FREM1: variants seen among roughly 807,000 people sequenced by gnomAD.
FREM1 encodes the protein FRAS1 related extracellular matrix 1.
FREM1 carries 220 observed loss-of-function variants against 210.1 expected under a neutral mutation model. The ratio of observed to expected loss-of-function variants is 1.05; its 90% CI spans 0.94 to 1.17. The LOEUF (loss-of-function observed/expected upper bound fraction) is 1.17. Among genes scored for constraint, FREM1 ranks in the 50% most tolerant of loss-of-function variants. The pLI is 0.00. For synonymous variants in FREM1, 1,189 were observed against 980.2 expected (o/e 1.21, Z -3.98); for missense variants, 3,454 against 2,675.5 (o/e 1.29, Z -6.42).
intron 23 of FREM1, among the ~76,000 whole-genome samples, chr9:14,787,417 A>C (rs1850590010): frequency 6.6e-6 from 1 of 152,206 alleles, no homozygotes; most frequent in South Asian, 2.1e-4. Flanking sequence ...GAAAATAATC[A>C]CATGTCAATT....
chr9:14,749,639 A>G (rs995430769), intron 30 of FREM1, among the ~76,000 whole-genome samples: 1 of 152,164 alleles, frequency 6.6e-6, no homozygotes, highest in Non-Finnish European at 1.5e-5. Flanking sequence ...TGCCATCCAA[A>G]GTCATTCATT....
rs74893686 is a variant in FREM1 at position 14,854,815 on chromosome 9, T to C, written c.828+2738A>G. ...TGGGAGAAAAATATTCTATTCACCA[T>C]AGGTTCACAAAAACAAAGTGCCTAG... On this transcript the variant is annotated intron_variant, in intron 5 of 36. Coordinates refer to ENST00000380880, the MANE Select transcript of FREM1 (RefSeq NM_001379081.2). Among the ~76,000 whole-genome samples the C allele has an allele frequency of 7.1e-3, 1,076 of 152,160 alleles. 16 individuals carry two copies. The highest frequency in any genetic ancestry group is 0.023 in the African/African-American group (965 of 41,542).
chr9:14,862,395 C>A (rs1171151463), intron 3 of FREM1, among the ~76,000 whole-genome samples: 1 of 152,100 alleles, frequency 6.6e-6, no homozygotes, highest in South Asian at 2.1e-4. Context: ...GCAATAAAAA[C>A]CAAATAAAAA....
chr9:14,806,498 C>A (rs143172065), intron 18 of FREM1, among the ~76,000 whole-genome samples, 163 bp downstream of exon 18: 2 of 152,150 alleles, frequency 1.3e-5, no homozygotes, highest in African/African-American at 4.8e-5. Context: ...AGGTGACCTG[C>A]CCATCTCGGC....
At chr9:14,812,206 T>C (rs991177432) in intron 16 of FREM1, among the ~76,000 whole-genome samples, 10 of 152,196 alleles carry the variant, frequency 6.6e-5, no homozygotes, top group Admixed American at 6.5e-4. Flanking sequence ...GATGTTGAAT[T>C]AATATTTTTT....
chr9:14,881,623 T>A (rs1338686297), intron 1 of FREM1, among the ~76,000 whole-genome samples: 1 of 152,234 alleles, frequency 6.6e-6, no homozygotes, highest in Non-Finnish European at 1.5e-5. Flanking sequence ...TCGTTTCACT[T>A]ATGATAACTT....
intron 5 of FREM1, among the ~76,000 whole-genome samples, chr9:14,854,025 A>G (rs759478613): frequency 6.6e-6 from 1 of 152,230 alleles, no homozygotes; most frequent in Non-Finnish European, 1.5e-5. Flanking sequence ...TGCAAATTAT[A>G]TAAACAAAGC....
chr9:14,896,612 A>T (rs145901656), intron 1 of FREM1, among the ~76,000 whole-genome samples: 1,685 of 151,856 alleles, frequency 0.011, 34 homozygotes, highest in African/African-American at 0.038. Flanking sequence ...CTAAGAAATA[A>T]CCATAAAAAT....
chr9:14,783,592 C>G (rs776028075), intron 24 of FREM1, among the ~76,000 whole-genome samples: 13 of 152,202 alleles, frequency 8.5e-5, no homozygotes, highest in Non-Finnish European at 1.8e-4. Flanking sequence ...TGTTTCTCTC[C>G]AGGACCTCAG....
In FREM1 at chr9:14,848,703, G is replaced by A; in HGVS notation, c.1223C>T (p.Thr408Ile). Residue 408 changes from threonine (T) to isoleucine (I), a missense_variant, in exon 7 of 37, where the codon ACA becomes ATA. Coordinates refer to ENST00000380880, the MANE Select transcript of FREM1 (RefSeq NM_001379081.2). ...APMTVHISIR[T>I]ADTNAPRVSW... ...TACACGGGGGGCATTTGTATCTGCT[G>A]TTCTGATGGAGATGTGGACTGTCAT... 3 of 1,612,574 alleles carry A rather than the reference G, an allele frequency of 1.9e-6. No individual in the cohort carries two copies. Among genetic ancestry groups the A allele is most frequent in the Non-Finnish European group, 2.5e-6 (3 of 1,178,742 alleles).
Position 14,770,785 on chromosome 9 carries a change from C to G in FREM1, c.4879G>C (p.Ala1627Pro). ...GAATGCAAGAGTGTGATACGAGGAG[C>G]TGTTTTGTCCAATTGGTCTACCTGG... ...TIQVDQLDKT[A>P]PRITLLHSPS... Residue 1627 changes from alanine (A) to proline (P), a missense_variant, in exon 26 of 37, where the codon GCT becomes CCT. Coordinates refer to ENST00000380880, the MANE Select transcript of FREM1 (RefSeq NM_001379081.2). 2 of 1,612,464 alleles carry G rather than the reference C, an allele frequency of 1.2e-6. No homozygotes were observed. Among genetic ancestry groups the G allele is most frequent in the Non-Finnish European group, 1.7e-6 (2 of 1,179,190 alleles).
At chr9:14,744,882 T>C (rs1842142475) in intron 35 of FREM1, among the ~76,000 whole-genome samples, 2 of 152,334 alleles carry the variant, frequency 1.3e-5, no homozygotes, top group African/African-American at 2.4e-5. Context: ...GAATTCTATT[T>C]GCTCTGCATC....
chr9:14,860,865 A>ATATATACG lies in FREM1; in HGVS notation c.330-1382_330-1381insCGTATATA, dbSNP rs1830025613. Among the ~76,000 whole-genome samples, 4 of 52,536 alleles carry ATATATACG rather than the reference A, an allele frequency of 7.6e-5. 1 individual carries two copies. The highest frequency in any genetic ancestry group is 1.8e-4 in the African/African-American group (1 of 5,576). The allele number at this position is 52,536 out of a possible 152,430, so 34.5% of individuals were successfully genotyped here. On this transcript the variant is annotated intron_variant, in intron 3 of 36. Transcript: ENST00000380880. ...TATACATATATACGTATATATACACATATATATACGTATATATACACATAT... is the reference window on the plus strand; with the variant it reads ...TATACATATATACGTATATATACACATATATACGTATATATACGTATATATACACATAT...
At chr9:14,780,452 T>TAAAAAAAAAAAAAAAAAAAAAAAAAAA (rs1587928412) in intron 24 of FREM1, among the ~76,000 whole-genome samples, 2 of 69,902 alleles carry the variant, frequency 2.9e-5, no homozygotes, top group Admixed American at 2.5e-4. Flanking sequence ...AAAAAAAAAG[T>TAAAAAAAAAAAAAAAAAAAAAAAAAAA]CCAGCCGGCA....
chr9:14,744,381 G>A (rs1321146872), intron 35 of FREM1, among the ~76,000 whole-genome samples: 1 of 151,930 alleles, frequency 6.6e-6, no homozygotes, highest in Non-Finnish European at 1.5e-5. Context: ...ACTTTAGAAC[G>A]TTACCTCGTG....
chr9:14,813,473 G>T (rs1819757566), intron 15 of FREM1, among the ~76,000 whole-genome samples: 1 of 152,102 alleles, frequency 6.6e-6, no homozygotes. Flanking sequence ...AGTTATTTTT[G>T]TTTCAAATTA....
In FREM1 at chr9:14,819,273, C is replaced by T. The variant is rs868495005; in HGVS notation, c.2507G>A (p.Gly836Asp). 1.2e-6 allele frequency: 2 copies of T among 1,613,308 alleles called. No homozygotes were observed. Among genetic ancestry groups the T allele is most frequent in the African/African-American group, 1.3e-5 (1 of 74,920 alleles). The change falls in exon 14 of 37, where the codon GGC becomes GAC. Residue 836 changes from glycine (G) to aspartate (D), a missense_variant. Physicochemically the swap from Gly to Asp is moderately conservative, Grantham distance 94. Coordinates refer to ENST00000380880, the MANE Select transcript of FREM1 (RefSeq NM_001379081.2). ...ATGGAGATCGCCCCAAGAAAATGTG[C>T]CCCCTGAATTTAGAGGAAATCCATT... ...ELNGFPLNSG[G>D]TFSWGDLHTL...
chr9:14,813,890 TC>T (rs1321652788), intron 15 of FREM1, among the ~76,000 whole-genome samples: 30 of 152,326 alleles, frequency 2.0e-4, no homozygotes, highest in African/African-American at 7.2e-4. Flanking sequence ...GCCAAAGTGA[TC>T]TTTTTAACGT....
intron 10 of FREM1, among the ~76,000 whole-genome samples, chr9:14,835,187 A>T (rs975309914): frequency 1.3e-5 from 2 of 152,228 alleles, no homozygotes; most frequent in Non-Finnish European, 2.9e-5. Flanking sequence ...AATATTGCTG[A>T]TCCTTGTTTA....
Sources: allele counts gnomAD v4.1 joint callset (sites outside exome capture counted in the v4.1 genomes callset), GRCh38; gene constraint gnomAD v4.1.1; transcripts MANE v1.5; gene names NCBI Gene and HGNC (gene_info 2026-07-23, HGNC 2026-07-21).